The following RBFOX1 variants were observed in gnomAD, a reference collection of about 807,000 sequenced individuals.
RBFOX1 encodes the protein RNA binding fox-1 homolog 1.
A neutral mutation model predicts 57.7 loss-of-function variants in RBFOX1; 8 were observed. The observed-to-expected ratio is 0.14, with a 90% CI of 0.08 to 0.25. The LOEUF is 0.25. Among genes scored for constraint, RBFOX1 ranks in the 10% least tolerant of loss-of-function variants. RBFOX1 has a pLI of 1.00. For missense variants in RBFOX1, 611 were observed against 548.5 expected (o/e 1.11, Z -1.14); for synonymous variants, 326 against 222.4 (o/e 1.47, Z -4.15).
At chr16:7,506,473 T>C (rs185305279) in intron 4 of RBFOX1, among the ~76,000 whole-genome samples, 3 of 152,160 alleles carry the variant, frequency 2.0e-5, no homozygotes, top group African/African-American at 7.2e-5. Flanking sequence ...GAATTTTGTA[T>C]GCTTGGTGCT....
intron 1 of RBFOX1, among the ~76,000 whole-genome samples, chr16:6,284,265 C>T (rs990388509): frequency 1.3e-5 from 2 of 152,172 alleles, no homozygotes; most frequent in African/African-American, 2.4e-5. Flanking sequence ...TTTGCTCGAT[C>T]TCTTTTCCTA....
Position 5,690,511 on chromosome 16 carries a change from G to T in RBFOX1, c.318+91550G>T, listed in dbSNP as rs527893671. 1.2e-4 allele frequency among the ~76,000 whole-genome samples: 18 copies of T among 152,212 alleles called. No homozygotes were observed. The South Asian group carries it at 3.3e-3, about 28-fold the overall frequency. ...ACGCTCTTGGCATAACGCCTGGCAT[G>T]ATGGAGGCACTCAGTCCATACAACA... On this transcript the variant is annotated intron_variant, in intron 3 of 19. Transcript: ENST00000641259.
chr16:6,574,042 C>T (rs904346877), intron 2 of RBFOX1, among the ~76,000 whole-genome samples: 1 of 152,314 alleles, frequency 6.6e-6, no homozygotes, highest in African/African-American at 2.4e-5. Context: ...ATTTTTCTCT[C>T]GCTCTGCCAA....
intron 4 of RBFOX1, among the ~76,000 whole-genome samples, chr16:5,971,778 T>G (rs530766460): frequency 6.6e-6 from 1 of 152,350 alleles, no homozygotes; most frequent in Non-Finnish European, 1.5e-5. Context: ...TCAAGCTGAC[T>G]AGGCCATGGG....
In RBFOX1 at chr16:7,325,152, T is replaced by G. The variant is rs550245406; in HGVS notation, c.28-192995T>G. 3.9e-5 allele frequency among the ~76,000 whole-genome samples: 6 copies of G among 152,342 alleles called. No homozygotes were observed. The South Asian group carries it at 1.2e-3, about 32-fold the overall frequency. On this transcript the variant is annotated intron_variant, in intron 4 of 15. Coordinates refer to ENST00000550418, the MANE Select transcript of RBFOX1 (RefSeq NM_018723.4). ...CCAGCTGCTAATTCTGTTGTCACTA[T>G]GACAACTATCAACAGCCATTTACTG...
intron 2 of RBFOX1, among the ~76,000 whole-genome samples, chr16:6,589,325 A>G (rs1019646871): frequency 2.6e-5 from 4 of 152,236 alleles, no homozygotes; most frequent in African/African-American, 9.6e-5. Context: ...AGCCAGCTGT[A>G]TGGGAGACCA....
intron 1 of RBFOX1, among the ~76,000 whole-genome samples, chr16:6,265,012 C>T (rs543017942): frequency 6.6e-6 from 1 of 152,240 alleles, no homozygotes; most frequent in South Asian, 2.1e-4. Flanking sequence ...TCCCATGCCG[C>T]ATCACCCTAT....
intron 1 of RBFOX1, among the ~76,000 whole-genome samples, chr16:6,230,603 G>C (rs559003379): frequency 2.0e-5 from 3 of 152,292 alleles, no homozygotes; most frequent in African/African-American, 7.2e-5. Flanking sequence ...GCTGGGTGGA[G>C]GAGTGAGCAG....
At chr16:5,721,083 G>C (rs1004498523) in intron 3 of RBFOX1, among the ~76,000 whole-genome samples, 1 of 152,002 alleles carries the variant, frequency 6.6e-6, no homozygotes, top group Non-Finnish European at 1.5e-5. Flanking sequence ...CATTTATTTA[G>C]GTTCCTTTAA....
chr16:6,736,664 G>T (rs2070398532), intron 3 of RBFOX1, among the ~76,000 whole-genome samples: 1 of 152,100 alleles, frequency 6.6e-6, no homozygotes. Flanking sequence ...TTTTCATCTG[G>T]GTAGATACCC....
At chr16:6,432,720 C>T (rs1442351197) in intron 2 of RBFOX1, among the ~76,000 whole-genome samples, 1 of 152,000 alleles carries the variant, frequency 6.6e-6, no homozygotes, top group Non-Finnish European at 1.5e-5. Context: ...TGGCTTATGT[C>T]TGTAATCCCA....
intron 4 of RBFOX1, among the ~76,000 whole-genome samples, chr16:7,377,175 A>T (rs2097700085): frequency 6.6e-6 from 1 of 152,232 alleles, no homozygotes. Flanking sequence ...ATAAAATACC[A>T]GTTTAAGGCA....
At chr16:7,395,802 A>G (rs2098130290) in intron 4 of RBFOX1, among the ~76,000 whole-genome samples, 1 of 152,166 alleles carries the variant, frequency 6.6e-6, no homozygotes, top group Non-Finnish European at 1.5e-5. Context: ...ACCCTCAAAG[A>G]CTAGATTTTT....
intron 4 of RBFOX1, among the ~76,000 whole-genome samples, chr16:7,266,578 G>C (rs1315817879): frequency 6.6e-6 from 1 of 152,128 alleles, no homozygotes; most frequent in Non-Finnish European, 1.5e-5. Context: ...CCTCACCAAA[G>C]CTCTATCTCT....
chr16:6,146,237 C>T (rs2096757214), intron 1 of RBFOX1, among the ~76,000 whole-genome samples: 1 of 152,172 alleles, frequency 6.6e-6, no homozygotes, highest in African/African-American at 2.4e-5. Context: ...ACAGCAGGAG[C>T]TTCTTGGGTG....
At chr16:6,052,265 G>C (rs2095559912) in intron 1 of RBFOX1, among the ~76,000 whole-genome samples, 1 of 151,920 alleles carries the variant, frequency 6.6e-6, no homozygotes, top group African/African-American at 2.4e-5. Context: ...CTTCGTTCCT[G>C]CTGCTCCCAT....
intron 3 of RBFOX1, among the ~76,000 whole-genome samples, chr16:7,013,970 A>G (rs2093778477): frequency 6.6e-6 from 1 of 152,006 alleles, no homozygotes; most frequent in Non-Finnish European, 1.5e-5. Flanking sequence ...AATGCTATAT[A>G]CTCTATTCCG....
Position 5,241,035 on chromosome 16 carries a change from G to A in RBFOX1, c.219+930G>A, listed in dbSNP as rs191699008. On this transcript the variant is annotated intron_variant, in intron 1 of 2. Coordinates refer to the RBFOX1 transcript ENST00000585867. ...GTTTTTATGTTTGACCATTTGCTCA[G>A]CTGAGCTTGTCTTAATAATTTGATT... Among the ~76,000 whole-genome samples the A allele has an allele frequency of 7.2e-3, 1,102 of 152,318 alleles. 11 individuals carry two copies. The highest frequency in any genetic ancestry group is 0.011 in the Non-Finnish European group (757 of 68,024).
chr16:7,057,867 G>A (rs2052878326), intron 4 of RBFOX1, among the ~76,000 whole-genome samples: 1 of 152,064 alleles, frequency 6.6e-6, no homozygotes, highest in Non-Finnish European at 1.5e-5. Context: ...AATTAGCCAG[G>A]CATGGTGGCG....
Sources: allele counts gnomAD v4.1 joint callset (sites outside exome capture counted in the v4.1 genomes callset), GRCh38; gene constraint gnomAD v4.1.1; transcripts MANE v1.5; gene names NCBI Gene and HGNC (gene_info 2026-07-23, HGNC 2026-07-21).